PKD1L3: variants seen among roughly 807,000 people sequenced by gnomAD.
PKD1L3 encodes the protein polycystin 1 like 3, transient receptor potential channel interacting.
A neutral mutation model predicts 184.1 loss-of-function variants in PKD1L3; 239 were observed. That is an observed-to-expected ratio of 1.30 (90% CI 1.17 to 1.45). The LOEUF is 1.45. PKD1L3 is among the 40% of genes most tolerant of loss of function. The pLI is 0.00. For missense variants in PKD1L3, 2,660 were observed against 2,067.2 expected, an observed-to-expected ratio of 1.29 and a Z score of -5.56; for synonymous variants, 996 against 778.8, an observed-to-expected ratio of 1.28 and a Z score of -4.64.
rs1567498766 is a variant in PKD1L3 at position 71,945,392 on chromosome 16, A to ATTTATTTATT, written c.3719-1223_3719-1222insAATAAATAAA. ...CACACACGCACACACACATATATAT[A>ATTTATTTATT]TATATATTTATTTATTTATTTATTT... On this transcript the variant is annotated intron_variant, in intron 22 of 29. Transcript: ENST00000620267. 3.4e-4 allele frequency among the ~76,000 whole-genome samples: 20 copies of ATTTATTTATT among 59,172 alleles called. 1 individual carries two copies. In the Admixed American group the frequency reaches 3.8e-3, roughly 11 times the overall value. 38.8% of individuals were successfully genotyped at this position (59,172 alleles called of 152,430 possible).
intron 27 of PKD1L3, 72 bp from the exon 28 acceptor site, chr16:71,933,593 G>A (rs1359198262): frequency 2.7e-5 from 30 of 1,121,984 alleles, no homozygotes; most frequent in Non-Finnish European, 3.4e-5. Flanking sequence ...GCTTGGGGAT[G>A]TGGCCAACAT....
chr16:71,954,111 C>A lies in PKD1L3; in HGVS notation c.2803G>T (p.Glu935Ter). The change falls in exon 17 of 30, where the codon GAG becomes TAG. Residue 935 changes from glutamate to a stop codon, truncating the protein, a stop_gained. Transcript: ENST00000620267. LOFTEE classifies it high-confidence loss of function. ...CATCAGGGCTCATCCATACTTTGCTCATCTCTCTTGGCAGTGGTGCTGTTT... is the reference window on the plus strand; with the variant it reads ...CATCAGGGCTCATCCATACTTTGCTAATCTCTCTTGGCAGTGGTGCTGTTT... ...KINSTTAKRD[E>*]QMRPFAVAWS... The A allele has an allele frequency of 6.5e-7, 1 of 1,534,804 alleles. No individual in the cohort carries two copies. Among genetic ancestry groups the A allele is most frequent in the South Asian group, 1.2e-5 (1 of 81,040 alleles).
At chr16:71,998,770 G>C (rs542138162) in intron 1 of PKD1L3, among the ~76,000 whole-genome samples, 3 of 152,194 alleles carry the variant, frequency 2.0e-5, no homozygotes, top group African/African-American at 7.2e-5. Flanking sequence ...TTTTTTAAAA[G>C]TAAATATGAA....
chr16:71,994,577 T>C (rs1177432040), intron 2 of PKD1L3, among the ~76,000 whole-genome samples: 1 of 152,210 alleles, frequency 6.6e-6, no homozygotes, highest in Admixed American at 6.5e-5. Context: ...GCAACTTATA[T>C]TGGCCTCATG....
chr16:71,958,562 C>T (rs562016091), intron 16 of PKD1L3, among the ~76,000 whole-genome samples: 18 of 151,576 alleles, frequency 1.2e-4, no homozygotes, highest in African/African-American at 4.4e-4. Context: ...AGTGGATCAC[C>T]CTGAGGTCAG....
At chr16:71,941,939 G>A (rs1301867819) in intron 24 of PKD1L3, among the ~76,000 whole-genome samples, 2 of 151,788 alleles carry the variant, frequency 1.3e-5, no homozygotes, top group African/African-American at 4.8e-5. Context: ...AAAACTTTTG[G>A]GGTTGGGGAC....
intron 11 of PKD1L3, among the ~76,000 whole-genome samples, chr16:71,974,678 T>TC (rs1181419593): frequency 6.6e-6 from 1 of 152,188 alleles, no homozygotes; most frequent in Non-Finnish European, 1.5e-5. Flanking sequence ...AGTGAGCCTG[T>TC]CTCAAAACAG....
At chr16:71,990,848 T>A (rs1469249225) in intron 3 of PKD1L3, among the ~76,000 whole-genome samples, 2 of 151,804 alleles carry the variant, frequency 1.3e-5, no homozygotes, top group African/African-American at 4.8e-5. Context: ...AGCACAGCCC[T>A]GAAAATTATC....
intron 21 of PKD1L3, among the ~76,000 whole-genome samples, chr16:71,949,550 A>G (rs2038749305): frequency 6.6e-6 from 1 of 151,860 alleles, no homozygotes; most frequent in Non-Finnish European, 1.5e-5. Context: ...ATGGAGTTTC[A>G]TCATGTTGCC....
intron 4 of PKD1L3, among the ~76,000 whole-genome samples, chr16:71,987,855 AGGTTAGTGAC>A (rs1417919334): frequency 6.6e-6 from 1 of 152,072 alleles, no homozygotes; most frequent in Admixed American, 6.5e-5. Context: ...CTCTGCCCAT[AGGTTAGTGAC>A]GGTATGTGAG....
intron 7 of PKD1L3, among the ~76,000 whole-genome samples, chr16:71,981,507 T>C (rs8056712): frequency 0.76 from 113,630 of 149,480 alleles, 43,499 homozygotes; most frequent in South Asian, 0.86. Context: ...TGTTGAGTGT[T>C]TGCTTTATGC....
chr16:71,958,378 C>T (rs2039131538), intron 16 of PKD1L3, among the ~76,000 whole-genome samples: 1 of 120,814 alleles, frequency 8.3e-6, no homozygotes, highest in Admixed American at 8.5e-5. Context: ...CAGAGCGAGA[C>T]TCCGTCTCAA....
rs1454684649 is a variant in PKD1L3 at position 71,982,048 on chromosome 16, C to A, written c.1143+11G>T. The A allele has an allele frequency of 6.5e-7, 1 of 1,535,800 alleles. No individual in the cohort carries two copies. The highest frequency in any genetic ancestry group is 8.8e-7 in the Non-Finnish European group (1 of 1,140,630). ...TAAGCAGATCTGGCCACCTGCATATCTGGCACCTACCGGCTCAGTATGACG... is the reference window on the plus strand; with the variant it reads ...TAAGCAGATCTGGCCACCTGCATATATGGCACCTACCGGCTCAGTATGACG... On this transcript the variant is annotated intron_variant, in intron 7 of 29. Coordinates refer to ENST00000620267, the MANE Select transcript of PKD1L3 (RefSeq NM_181536.2).
At chr16:71,991,708 T>C (rs2040597497) in intron 3 of PKD1L3, among the ~76,000 whole-genome samples, 1 of 152,250 alleles carries the variant, frequency 6.6e-6, no homozygotes. Context: ...ATAGAAGTGA[T>C]ACATACGTAG....
At position 71,950,297 on chromosome 16, in the gene PKD1L3, G is replaced by T; in HGVS notation, c.3204C>A (p.Asn1068Lys). The change falls in exon 20 of 30, where the codon AAC becomes AAA. Residue 1068 changes from asparagine to lysine, a missense_variant. Transcript: ENST00000620267. ...ERHWARVVPENHHHFCCYLHR... is the reference protein window; with the variant it reads ...ERHWARVVPEKHHHFCCYLHR... ...GCAGGTAACAGCAGAAATGATGGTGGTTTTCAGGAACAACTGAAAATATAT... is the reference window on the plus strand; with the variant it reads ...GCAGGTAACAGCAGAAATGATGGTGTTTTTCAGGAACAACTGAAAATATAT... 1.3e-6 allele frequency: 2 copies of T among 1,519,650 alleles called. No homozygotes were observed. Among genetic ancestry groups the T allele is most frequent in the Admixed American group, 4.5e-5 (2 of 44,090 alleles). 94.1% of individuals were successfully genotyped at this position (1,519,650 alleles called of 1,614,324 possible). A position where few individuals can be genotyped will look rare whatever the true frequency, so the allele number is the denominator to read the frequency against.
chr16:71,963,077 A>G, intron 16 of PKD1L3, 128 bp downstream of exon 16: 1 of 1,017,486 alleles, frequency 9.8e-7, no homozygotes, highest in Non-Finnish European at 1.4e-6. Context: ...CACAACAGTA[A>G]TGCTTATGTA....
intron 21 of PKD1L3, among the ~76,000 whole-genome samples, chr16:71,948,763 G>A (rs952388424): frequency 1.6e-5 from 2 of 125,056 alleles, no homozygotes; most frequent in Admixed American, 1.0e-4. Flanking sequence ...TGCAATTACA[G>A]GTTTTGCTTT....
chr16:71,954,341 A>G, intron 16 of PKD1L3, 40 bp from the exon 17 acceptor site: 2 of 1,433,324 alleles, frequency 1.4e-6, no homozygotes, highest in Non-Finnish European at 1.9e-6. Flanking sequence ...ATGAGATTTT[A>G]TTCTGAAAGT....
intron 23 of PKD1L3, 147 bp from the exon 24 acceptor site, chr16:71,943,171 A>G: frequency 1.6e-6 from 1 of 617,756 alleles, no homozygotes; most frequent in Non-Finnish European, 2.8e-6. Context: ...TCTAATAATT[A>G]TAAATACATA....
Sources: allele counts gnomAD v4.1 joint callset (sites outside exome capture counted in the v4.1 genomes callset), GRCh38; gene constraint gnomAD v4.1.1; transcripts MANE v1.5; gene names NCBI Gene and HGNC (gene_info 2026-07-23, HGNC 2026-07-21).